OR2C1: variants seen among roughly 807,000 people sequenced by gnomAD.
OR2C1 encodes the protein olfactory receptor 2C1.
For missense variants in OR2C1, 468 were observed against 388.3 expected, an observed-to-expected ratio of 1.21 and a Z score of -1.73; for synonymous variants, 209 against 167.3, an observed-to-expected ratio of 1.25 and a Z score of -1.92.
chr16:3,324,673 G>A, the OR2C1 span, among the ~76,000 whole-genome samples: 9 of 151,974 alleles, frequency 5.9e-5, no homozygotes, highest in Admixed American at 3.9e-4. Flanking sequence ...GGCTGGCCTC[G>A]AACTCCTGGA....
At chr16:3,331,896 A>G in the OR2C1 span, among the ~76,000 whole-genome samples, 1 of 151,932 alleles carries the variant, frequency 6.6e-6, no homozygotes, top group Non-Finnish European at 1.5e-5. Context: ...CTATGCAGCC[A>G]TAAAAAATGA....
the OR2C1 span, among the ~76,000 whole-genome samples, chr16:3,344,586 G>A: frequency 1.2e-4 from 18 of 152,122 alleles, 1 homozygote; most frequent in African/African-American, 4.1e-4. Context: ...AATTAGCCGG[G>A]CATGGTGGCG....
the OR2C1 span, among the ~76,000 whole-genome samples, chr16:3,324,427 C>T: frequency 6.6e-6 from 1 of 151,964 alleles, no homozygotes; most frequent in East Asian, 1.9e-4. Flanking sequence ...TGAGCTCAGG[C>T]AATTCACCTG....
At chr16:3,353,465 TGGTGACAGAGC>T (rs2030606172), upstream of OR2C1, among the ~76,000 whole-genome samples, 2 of 121,532 alleles carry the variant, frequency 1.6e-5, no homozygotes, top group African/African-American at 6.3e-5. Context: ...CACTCCAGCC[TGGTGACAGAGC>T]GAGACTCCGT....
At chr16:3,351,567 AC>A (rs2030574802), upstream of OR2C1, among the ~76,000 whole-genome samples, 1 of 152,138 alleles carries the variant, frequency 6.6e-6, no homozygotes, top group South Asian at 2.1e-4. Context: ...ACTTCATAGG[AC>A]CTATGTCCTC....
rs772065321 is a variant in OR2C1 at position 3,356,771 on chromosome 16, C to G, written c.831C>G (p.Phe277Leu). ...ACCAGGGCAAGTTCATTTCCCTGTT[C>G]TACTCGTTGGTCACACCCATGGTGA... The part of the protein sequence containing the change: ...KQDQGKFISL[F>L]YSLVTPMVNP... Residue 277 changes from phenylalanine to leucine, a missense_variant, in exon 1 of 1, where the codon TTC becomes TTG. By Grantham distance (22) the Phe-to-Leu change is conservative (BLOSUM62 0). Transcript: ENST00000304936. The G allele has an allele frequency of 2.5e-6, 4 of 1,614,180 alleles. No individual in the cohort carries two copies. The highest frequency in any genetic ancestry group is 2.2e-5 in the South Asian group (2 of 91,072).
At chr16:3,343,383 C>T in the OR2C1 span, among the ~76,000 whole-genome samples, 4 of 152,152 alleles carry the variant, frequency 2.6e-5, no homozygotes, top group Non-Finnish European at 5.9e-5. Context: ...CATGAGCCAC[C>T]GTGTCTAGCC....
At chr16:3,325,038 A>T in the OR2C1 span, among the ~76,000 whole-genome samples, 1 of 152,114 alleles carries the variant, frequency 6.6e-6, no homozygotes, top group African/African-American at 2.4e-5. Flanking sequence ...CTGGAGTGCA[A>T]TGGCATGATC....
the OR2C1 span, among the ~76,000 whole-genome samples, chr16:3,330,522 C>T: frequency 1.3e-5 from 2 of 152,148 alleles, no homozygotes; most frequent in East Asian, 1.9e-4. Flanking sequence ...GAAATAGACC[C>T]GCATAGATAA....
chr16:3,350,658 G>A, the OR2C1 span, among the ~76,000 whole-genome samples: 6 of 151,388 alleles, frequency 4.0e-5, no homozygotes, highest in South Asian at 2.1e-4. Flanking sequence ...TGATCCTCCC[G>A]CCTCGGCCTC....
At chr16:3,353,569 G>C (rs939754075), upstream of OR2C1, among the ~76,000 whole-genome samples, 1 of 151,722 alleles carries the variant, frequency 6.6e-6, no homozygotes, top group African/African-American at 2.4e-5. Flanking sequence ...GGGAGGCCAA[G>C]GTAGGCAGAT....
At chr16:3,347,111 G>A in the OR2C1 span, among the ~76,000 whole-genome samples, 10 of 151,066 alleles carry the variant, frequency 6.6e-5, no homozygotes, top group Non-Finnish European at 1.3e-4. Context: ...GCTGGGCACA[G>A]TGGTGCGTGC....
downstream of OR2C1, among the ~76,000 whole-genome samples, chr16:3,357,675 G>A (rs75718525): frequency 0.044 from 6,662 of 152,264 alleles, 195 homozygotes; most frequent in Middle Eastern, 0.061. Flanking sequence ...CACCTGGCCT[G>A]TCTCTTCTTA....
upstream of OR2C1, among the ~76,000 whole-genome samples, chr16:3,351,201 TTTTTCTTTTTTTCTTTTTCTTTTTC>T (rs149496300): frequency 0.66 from 77,338 of 116,414 alleles, 26,164 homozygotes; most frequent in East Asian, 0.83. Flanking sequence ...ATTTAAGTCT[TTTTTCTTTTTTTCTTTTTCTTTTTC>T]TTTTTTTTTT....
At chr16:3,344,386 C>A in the OR2C1 span, among the ~76,000 whole-genome samples, 1 of 152,054 alleles carries the variant, frequency 6.6e-6, no homozygotes, top group African/African-American at 2.4e-5. Flanking sequence ...CAGAGAAATG[C>A]AAATAAACTT....
the OR2C1 span, among the ~76,000 whole-genome samples, chr16:3,350,771 G>A: frequency 6.6e-6 from 1 of 151,804 alleles, no homozygotes; most frequent in Admixed American, 6.6e-5. Context: ...TCTCTGGAAT[G>A]GTCCAGGAGA....
In OR2C1 at chr16:3,356,854, TGGGGA is replaced by T; in HGVS notation, c.915_919del (p.Gly306ArgfsTer25). ...GTGAAGGGCGCACTGAGGAGGTTGC[TGGGGA>T]AAGGAAGAGAAGTTGGCTGAGAGAA... is the stretch of plus-strand genomic sequence containing the variant. On this transcript the variant is annotated frameshift_variant, in exon 1 of 1. Coordinates refer to ENST00000304936, the MANE Select transcript of OR2C1 (RefSeq NM_012368.3). LOFTEE classifies it high-confidence loss of function. The T allele has an allele frequency of 6.2e-7, 1 of 1,602,080 alleles. No individual in the cohort carries two copies. The highest frequency in any genetic ancestry group is 8.5e-7 in the Non-Finnish European group (1 of 1,172,914).
At chr16:3,325,409 A>T in the OR2C1 span, among the ~76,000 whole-genome samples, 49 of 149,872 alleles carry the variant, frequency 3.3e-4, no homozygotes, top group East Asian at 7.3e-3. Flanking sequence ...ATGAGCCATC[A>T]CACCTGGCCT....
chr16:3,355,981 T>G lies in OR2C1; in HGVS notation c.41T>G (p.Leu14Arg), dbSNP rs1444010496. ...GATAGCTCCTTGCAGGGCTTTGTTCTGATGGGCATATCAGACCATCCCCAG... is the reference window on the plus strand; with the variant it reads ...GATAGCTCCTTGCAGGGCTTTGTTCGGATGGGCATATCAGACCATCCCCAG... ...VNDSSLQGFV[L>R]MGISDHPQLE... Residue 14 changes from leucine to arginine, a missense_variant, in exon 1 of 1, where the codon CTG becomes CGG. Coordinates refer to ENST00000304936, the MANE Select transcript of OR2C1 (RefSeq NM_012368.3). 3.7e-6 allele frequency: 6 copies of G among 1,613,684 alleles called. No individual in the cohort carries two copies. Among genetic ancestry groups the G allele is most frequent in the Non-Finnish European group, 5.1e-6 (6 of 1,179,754 alleles).
Sources: gnomAD v4.1 joint callset for allele counts (sites outside exome capture counted in the v4.1 genomes callset) on GRCh38, gnomAD v4.1.1 for gene constraint, MANE v1.5 for transcripts, NCBI Gene and HGNC (gene_info 2026-07-23, HGNC 2026-07-21) for gene names.